Variants in SEPTIN8 observed in about 807,000 individuals in gnomAD.
SEPTIN8 encodes the protein septin-8.
In SEPTIN8, 22 loss-of-function variants were observed where a neutral mutation model predicts 53.1. The ratio of observed to expected loss-of-function variants is 0.41; its 90% CI spans 0.30 to 0.59. SEPTIN8 has a LOEUF of 0.59. SEPTIN8 is among the 20% of genes least tolerant of loss of function. SEPTIN8 has a pLI of 0.24. For synonymous variants in SEPTIN8, 228 were observed against 248.4 expected (o/e 0.92, Z 0.77); for missense variants, 536 against 638.7 (o/e 0.84, Z 1.73).
At chr5:132,763,661 G>A in intron 4 of SEPTIN8, 45 bp downstream of exon 4, 1 of 1,572,100 alleles carries the variant, frequency 6.4e-7, no homozygotes, top group Non-Finnish European at 8.7e-7. Context: ...TCGCATCGCA[G>A]CAGAAGACTA....
intron 9 of SEPTIN8, chr5:132,756,664 T>G (rs1171553944): frequency 2.0e-6 from 2 of 985,344 alleles, no homozygotes; most frequent in Non-Finnish European, 2.4e-6. Context: ...CAGTGAGGCT[T>G]GCTGGAGGGA....
intron 9 of SEPTIN8, chr5:132,758,456 A>T: frequency 6.2e-7 from 1 of 1,600,470 alleles, no homozygotes; most frequent in Non-Finnish European, 8.5e-7. Context: ...TCCACGCTGA[A>T]CAATTAGGCC....
intron 1 of SEPTIN8, among the ~76,000 whole-genome samples, chr5:132,766,400 G>C (rs7716611): frequency 0.13 from 19,622 of 152,228 alleles, 4,181 homozygotes; most frequent in African/African-American, 0.44. Flanking sequence ...GCCACTGGAG[G>C]TGGCCCACCG....
At chr5:132,763,207 A>T (rs1345622632) in intron 4 of SEPTIN8, among the ~76,000 whole-genome samples, 2 of 151,860 alleles carry the variant, frequency 1.3e-5, no homozygotes, top group Non-Finnish European at 2.9e-5. Context: ...TCCCTTCTCT[A>T]CCCCTACAGT....
At chr5:132,763,653 G>A (rs751796932) in intron 4 of SEPTIN8, 53 bp downstream of exon 4, 92 of 1,535,366 alleles carry the variant, frequency 6.0e-5, no homozygotes, top group Non-Finnish European at 7.4e-5. Flanking sequence ...CCACCACATC[G>A]CATCGCAGCA....
rs369943611 is a variant in SEPTIN8, at chr5:132,764,258, C to T, written c.313G>A (p.Val105Met). 1.1e-5 allele frequency: 17 copies of T among 1,613,696 alleles called. No individual in the cohort carries two copies. In the African/African-American group the frequency reaches 1.6e-4, roughly 15 times the overall value. The change falls in exon 3 of 10, where the codon GTG becomes ATG. Residue 105 changes from valine to methionine, a missense_variant. By Grantham distance (21) the Val-to-Met change is conservative. Transcript: ENST00000378719. ...VQLKLTIVDAVGFGDQINKDE... is the reference protein window; with the variant it reads ...VQLKLTIVDAMGFGDQINKDE... The stretch of plus-strand genomic sequence containing the variant: ...TTATTGATCTGATCCCCAAAGCCCA[C>T]GGCATCCACAATGGTCAGCTTGAGC...
intron 9 of SEPTIN8, chr5:132,757,109 T>A (rs1055160000): frequency 1.0e-6 from 1 of 985,048 alleles, no homozygotes; most frequent in African/African-American, 1.7e-5. Flanking sequence ...TACGGACTTA[T>A]TGTGACGCTA....
chr5:132,765,087 G>A (rs1195766780), intron 2 of SEPTIN8, among the ~76,000 whole-genome samples: 1 of 152,038 alleles, frequency 6.6e-6, no homozygotes, highest in Non-Finnish European at 1.5e-5. Context: ...CACAGGGTGG[G>A]AAGCAGTAAA....
chr5:132,757,378 C>T, intron 9 of SEPTIN8: 13 of 985,432 alleles, frequency 1.3e-5, no homozygotes, highest in Non-Finnish European at 1.6e-5. Context: ...TCCACTTCTC[C>T]CTGAGCAGAA....
At chr5:132,764,926 G>A (rs941037855) in intron 2 of SEPTIN8, among the ~76,000 whole-genome samples, 4 of 151,952 alleles carry the variant, frequency 2.6e-5, no homozygotes, top group Admixed American at 6.5e-5. Context: ...CCTGCAGAGG[G>A]ACCAGAAGAG....
At position 132,760,717 on chromosome 5, in the gene SEPTIN8, A is replaced by C; in HGVS notation, c.1286+85T>G. Reference sequence around the variant, plus strand: ...AGGGGTAAGAGAGGGCGAGCAGGAGAGCGAGAAGGGAGGTGAGGGACAAGA... The same window carrying C: ...AGGGGTAAGAGAGGGCGAGCAGGAGCGCGAGAAGGGAGGTGAGGGACAAGA... On this transcript the variant is annotated intron_variant, in intron 9 of 9. Coordinates refer to ENST00000378719, the MANE Select transcript of SEPTIN8 (RefSeq NM_001098811.2). The surrounding 1 kb of genome is among the most constrained non-coding windows in gnomAD (Gnocchi z 5.2). 2.4e-6 allele frequency: 3 copies of C among 1,272,658 alleles called. No homozygotes were observed. Among genetic ancestry groups the C allele is most frequent in the Non-Finnish European group, 3.3e-6 (3 of 908,160 alleles). The allele number at this position is 1,272,658 out of a possible 1,614,324, so 78.8% of individuals were successfully genotyped here. A position where few individuals can be genotyped will look rare whatever the true frequency, so the allele number is the denominator to read the frequency against.
intron 1 of SEPTIN8, among the ~76,000 whole-genome samples, chr5:132,767,815 C>T (rs968875606): frequency 6.6e-6 from 1 of 152,010 alleles, no homozygotes; most frequent in African/African-American, 2.4e-5. Flanking sequence ...AAATTTAAGG[C>T]GTGCTGTGCT....
upstream of SEPTIN8, chr5:132,777,531 C>G: frequency 1.0e-6 from 1 of 962,582 alleles, no homozygotes; most frequent in Non-Finnish European, 1.2e-6. The surrounding 1 kb of genome is among the most constrained non-coding windows in gnomAD (Gnocchi z 4.1). Flanking sequence ...AGCCTGGGGC[C>G]GAGCCTAGGT....
At chr5:132,771,397 C>T (rs1036874682) in intron 1 of SEPTIN8, among the ~76,000 whole-genome samples, 2 of 152,126 alleles carry the variant, frequency 1.3e-5, no homozygotes, top group Non-Finnish European at 2.9e-5. Context: ...GATTGGCTAC[C>T]GAGTAATGGA....
chr5:132,752,844 T>C (rs747185205), intron 9 of SEPTIN8: 44 of 1,591,624 alleles, frequency 2.8e-5, no homozygotes, highest in Non-Finnish European at 3.7e-5. Flanking sequence ...TGCTTGAAGA[T>C]GGCCACTCTA....
chr5:132,758,221 A>T, intron 9 of SEPTIN8: 1 of 1,239,518 alleles, frequency 8.1e-7, no homozygotes, highest in Non-Finnish European at 1.0e-6. Flanking sequence ...GTTTAGCTGT[A>T]TTTTTAGTTT....
intron 9 of SEPTIN8, chr5:132,754,657 T>C (rs548482874): frequency 3.3e-6 from 2 of 604,784 alleles, no homozygotes; most frequent in East Asian, 5.6e-5. Context: ...CACTCGTGGA[T>C]TTTTAAAAAT....
rs573349096 is a variant in SEPTIN8 at position 132,776,906 on chromosome 5, GC to G, written c.30+201del. ...CCCCAGGAAGCGACCCCGACCAGCC[GC>G]CCGGCAAGGCAGGCCGCCCGACGCT... On this transcript the variant is annotated intron_variant, in intron 1 of 9. Coordinates refer to ENST00000378719, the MANE Select transcript of SEPTIN8 (RefSeq NM_001098811.2). This position sits in a 1 kb window ranked among gnomAD's most constrained non-coding sequence, Gnocchi z 4.4. Among the ~76,000 whole-genome samples, 107 of 152,176 alleles carry G rather than the reference GC, an allele frequency of 7.0e-4. No individual in the cohort carries two copies. The highest frequency in any genetic ancestry group is 2.6e-3 in the African/African-American group (106 of 41,546).
chr5:132,779,856 AGAC>A (rs539535595), upstream of SEPTIN8, among the ~76,000 whole-genome samples: 98 of 152,352 alleles, frequency 6.4e-4, no homozygotes, highest in Middle Eastern at 3.4e-3. Context: ...ATGGTATCAC[AGAC>A]GACATTTCTG....
Sources: allele counts gnomAD v4.1 joint callset (sites outside exome capture counted in the v4.1 genomes callset), GRCh38; gene constraint gnomAD v4.1.1; non-coding constraint Gnocchi (gnomAD v3.1); transcripts MANE v1.5; gene names NCBI Gene and HGNC (gene_info 2026-07-23, HGNC 2026-07-21).